NPAS3: variants seen among roughly 807,000 people sequenced by gnomAD.
NPAS3 encodes neuronal PAS domain-containing protein 3.
A neutral mutation model predicts 73.1 loss-of-function variants in NPAS3; 14 were observed. The ratio of observed to expected loss-of-function variants is 0.19; its 90% CI spans 0.13 to 0.30. The LOEUF (loss-of-function observed/expected upper bound fraction) is 0.30, where lower values mean the gene tolerates loss of function less well. Among genes scored for constraint, NPAS3 ranks in the 10% least tolerant of loss-of-function variants. NPAS3 has a pLI of 1.00. For missense variants in NPAS3, 1,096 were observed against 1,250.0 expected, an observed-to-expected ratio of 0.88 and a Z score of 1.86; for synonymous variants, 620 against 541.5, an observed-to-expected ratio of 1.14 and a Z score of -2.01.
intron 9 of NPAS3, chr14:33,780,549 A>G (rs2062947094): frequency 2.4e-6 from 1 of 420,582 alleles, no homozygotes; most frequent in African/African-American, 2.1e-5. Flanking sequence ...GAGGCTGACA[A>G]AAAAAAAAGA....
intron 4 of NPAS3, among the ~76,000 whole-genome samples, chr14:33,369,642 C>T (rs182788376): frequency 1.3e-5 from 2 of 152,170 alleles, no homozygotes; most frequent in African/African-American, 4.8e-5. Flanking sequence ...ACTATGTAAT[C>T]TTATAATTGC....
At chr14:33,091,773 G>A (rs374947536) in intron 2 of NPAS3, among the ~76,000 whole-genome samples, 4,554 of 152,068 alleles carry the variant, frequency 0.03, 218 homozygotes, top group African/African-American at 0.1. Context: ...CTTATCCACC[G>A]TGATCAAGTG....
At chr14:33,044,115 G>T (rs1353095582) in intron 1 of NPAS3, among the ~76,000 whole-genome samples, 1 of 152,092 alleles carries the variant, frequency 6.6e-6, no homozygotes, top group South Asian at 2.1e-4. Context: ...TTACTTTTTT[G>T]TCAATGATGT....
chr14:33,513,808 A>T (rs745999912), intron 4 of NPAS3, among the ~76,000 whole-genome samples: 2 of 151,980 alleles, frequency 1.3e-5, no homozygotes, highest in Non-Finnish European at 2.9e-5. Context: ...CACGCTCTGG[A>T]TTTGTGGGGA....
chr14:33,366,474 G>A (rs1042765181), intron 3 of NPAS3, among the ~76,000 whole-genome samples: 4 of 152,092 alleles, frequency 2.6e-5, no homozygotes, highest in Non-Finnish European at 5.9e-5. Flanking sequence ...GAAGAGGACC[G>A]ACTCTTAGTG....
intron 6 of NPAS3, among the ~76,000 whole-genome samples, chr14:33,711,019 T>C (rs1276534423): frequency 1.3e-5 from 2 of 152,208 alleles, no homozygotes; most frequent in East Asian, 1.9e-4. Context: ...AAAGTTCTGC[T>C]GGGAGCAAGC....
chr14:33,055,796 AAAGC>A, intron 1 of NPAS3, 105 bp from the exon 2 acceptor site: 5 of 531,772 alleles, frequency 9.4e-6, no homozygotes, highest in Admixed American at 2.7e-5. Context: ...GTAGAGCTCA[AAAGC>A]GTAAAAAGCA....
At chr14:33,058,167 G>GC (rs2040956683) in intron 2 of NPAS3, among the ~76,000 whole-genome samples, 1 of 151,952 alleles carries the variant, frequency 6.6e-6, no homozygotes, top group Non-Finnish European at 1.5e-5. Context: ...AACATGGGTA[G>GC]TTTTTCCACA....
intron 4 of NPAS3, among the ~76,000 whole-genome samples, chr14:33,505,408 A>G (rs1036186104): frequency 6.6e-6 from 1 of 152,028 alleles, no homozygotes; most frequent in Admixed American, 6.6e-5. Context: ...TACCCTACAG[A>G]CATGTTCCTT....
intron 6 of NPAS3, among the ~76,000 whole-genome samples, chr14:33,687,909 A>T (rs565142926): frequency 6.6e-6 from 1 of 152,336 alleles, no homozygotes; most frequent in South Asian, 2.1e-4. Flanking sequence ...CTGCAGAAAG[A>T]TTCAGTTAAT....
intron 1 of NPAS3, among the ~76,000 whole-genome samples, chr14:33,025,133 T>A (rs1337479300): frequency 6.6e-6 from 1 of 152,204 alleles, no homozygotes; most frequent in African/African-American, 2.4e-5. Context: ...AGGCTGCTAC[T>A]GCACAGGTAC....
chr14:33,483,356 G>C (rs980596656), intron 4 of NPAS3, among the ~76,000 whole-genome samples: 2 of 152,022 alleles, frequency 1.3e-5, no homozygotes, highest in Admixed American at 1.3e-4. Context: ...GTTTTGTTTT[G>C]TTCTGTTTGA....
intron 3 of NPAS3, among the ~76,000 whole-genome samples, chr14:33,323,615 G>A (rs1338139345): frequency 6.6e-6 from 1 of 152,216 alleles, no homozygotes; most frequent in African/African-American, 2.4e-5. Flanking sequence ...TAGAATCAAG[G>A]TGAAGGGTGT....
chr14:33,168,634 T>C (rs1195784221), intron 2 of NPAS3, among the ~76,000 whole-genome samples: 4 of 152,196 alleles, frequency 2.6e-5, no homozygotes, highest in Admixed American at 2.0e-4. Context: ...AGTTCCCTAG[T>C]GGGACTCAGA....
At chr14:33,549,274 C>A (rs891908482) in intron 4 of NPAS3, among the ~76,000 whole-genome samples, 2 of 152,178 alleles carry the variant, frequency 1.3e-5, no homozygotes, top group Non-Finnish European at 1.5e-5. Flanking sequence ...CTCTATCACT[C>A]AGGTTGGAGT....
At chr14:33,357,877 A>C (rs1386892276) in intron 3 of NPAS3, among the ~76,000 whole-genome samples, 1 of 152,226 alleles carries the variant, frequency 6.6e-6, no homozygotes, top group African/African-American at 2.4e-5. Context: ...CCCTTTTGAC[A>C]GAATGAGAAA....
chr14:33,524,524 C>G (rs754282839), intron 4 of NPAS3, among the ~76,000 whole-genome samples: 2 of 152,188 alleles, frequency 1.3e-5, no homozygotes, highest in Non-Finnish European at 2.9e-5. Context: ...AACCCAGATT[C>G]AAACCCAGTC....
intron 5 of NPAS3, among the ~76,000 whole-genome samples, chr14:33,607,197 T>G (rs994292111): frequency 7.2e-5 from 11 of 152,208 alleles, no homozygotes; most frequent in African/African-American, 2.7e-4. Context: ...AAAGCATATG[T>G]CTACACAAAA....
At chr14:33,178,767 A>G (rs2045689488) in intron 2 of NPAS3, among the ~76,000 whole-genome samples, 1 of 152,146 alleles carries the variant, frequency 6.6e-6, no homozygotes, top group South Asian at 2.1e-4. Flanking sequence ...TCTGTGAACA[A>G]AGATAGTTTT....
Sources: gnomAD v4.1 joint callset for allele counts (sites outside exome capture counted in the v4.1 genomes callset) on GRCh38, gnomAD v4.1.1 for gene constraint, MANE v1.5 for transcripts, NCBI Gene and HGNC (gene_info 2026-07-23, HGNC 2026-07-21) for gene names.